The following TIRAP variants were observed in gnomAD, a reference collection of about 807,000 sequenced individuals.
TIRAP encodes the protein toll/interleukin-1 receptor domain-containing adapter protein.
In TIRAP, 20 loss-of-function variants were observed where a neutral mutation model predicts 19.8. The observed-to-expected ratio is 1.01, with a 90% CI of 0.71 to 1.47. The LOEUF (loss-of-function observed/expected upper bound fraction) is 1.47, where lower values mean the gene tolerates loss of function less well. Ranked by LOEUF, TIRAP falls within the 40% of genes most tolerant of loss-of-function variation. The pLI is 0.00. For missense variants in TIRAP, 276 were observed against 285.1 expected (o/e 0.97, Z 0.23); for synonymous variants, 125 against 121.7 (o/e 1.03, Z -0.18).
chr11:126,292,900 C>G lies in TIRAP; in HGVS notation c.491C>G (p.Ala164Gly). Residue 164 changes from alanine (A) to glycine (G), a missense_variant, in exon 4 of 5, where the codon GCC becomes GGC. Coordinates refer to ENST00000392679, the MANE Select transcript of TIRAP (RefSeq NM_001318777.2). ...DPWCKYQMLQ[A>G]LTEAPGAEGC... Reference sequence around the variant, plus strand: ...TGGTGCAAGTACCAGATGCTGCAGGCCCTGACCGAGGCTCCAGGGGCCGAG... The same window carrying G: ...TGGTGCAAGTACCAGATGCTGCAGGGCCTGACCGAGGCTCCAGGGGCCGAG... The G allele has an allele frequency of 6.2e-7, 1 of 1,613,588 alleles. No individual in the cohort carries two copies. Among genetic ancestry groups the G allele is most frequent in the Non-Finnish European group, 8.5e-7 (1 of 1,179,934 alleles).
intron 1 of TIRAP, among the ~76,000 whole-genome samples, chr11:126,286,077 A>AAAAAT (rs1191352595): frequency 2.5e-4 from 37 of 146,692 alleles, no homozygotes; most frequent in Non-Finnish European, 5.1e-4. Context: ...AAAAAAAAAA[A>AAAAAT]AGGTCGGGTG....
chr11:126,292,943 GC>G lies in TIRAP; in HGVS notation c.535del (p.Leu179CysfsTer56). On this transcript the variant is annotated frameshift_variant, in exon 4 of 5. Transcript: ENST00000392679. LOFTEE classifies it high-confidence loss of function. Reference protein sequence around the residue: ...PGAEGCTIPLLSGLSRAAYPP... With the variant: ...PGAEGCTIPLXSGLSRAAYPP... ...GGGCCGAGGGCTGCACCATCCCCCT[GC>G]TGTCGGGCCTCAGCAGAGCTGCCTA... 4 of 1,614,072 alleles carry G rather than the reference GC, an allele frequency of 2.5e-6. No individual in the cohort carries two copies. Among genetic ancestry groups the G allele is most frequent in the Non-Finnish European group, 3.4e-6 (4 of 1,179,980 alleles).
rs1367565160 is a variant in TIRAP, at chr11:126,288,561, T to C, written c.-216-1901T>C. Reference sequence around the variant, plus strand: ...GAATTTACCTGCCATCTTGCTCAATTATCCTGTCAAAGGTGCTGTTATTTT... The same window carrying C: ...GAATTTACCTGCCATCTTGCTCAATCATCCTGTCAAAGGTGCTGTTATTTT... On this transcript the variant is annotated intron_variant, in intron 1 of 4. Transcript: ENST00000392679. The surrounding 1 kb of genome is among the most constrained non-coding windows in gnomAD (Gnocchi z 5.0). 6.6e-6 allele frequency: 1 copy of C among 152,232 alleles called. No homozygotes were observed. The highest frequency in any genetic ancestry group is 1.5e-5 in the Non-Finnish European group (1 of 68,036). The allele number at this position is 152,232 out of a possible 1,614,324, so 9.4% of individuals were successfully genotyped here. A position where few individuals can be genotyped will look rare whatever the true frequency, so the allele number is the denominator to read the frequency against.
At position 126,290,944 on chromosome 11, in the gene TIRAP, C is replaced by T. The variant is rs758763451; in HGVS notation, c.50C>T (p.Pro17Leu). Reference sequence around the variant, plus strand: ...GCTCCTGGCTCTCGGCCTAAGAAGCCTCTAGGCAAGATGGCTGGTGAGTGG... The same window carrying T: ...GCTCCTGGCTCTCGGCCTAAGAAGCTTCTAGGCAAGATGGCTGGTGAGTGG... ...LPAPGSRPKK[P>L]LGKMADWFRQ... The change falls in exon 3 of 5, where the codon CCT becomes CTT. Residue 17 changes from proline (P) to leucine (L), a missense_variant. Physicochemically the swap from Pro to Leu is moderately conservative, Grantham distance 98 (BLOSUM62 -3). Transcript: ENST00000392679. The surrounding 1 kb of genome is among the most constrained non-coding windows in gnomAD (Gnocchi z 4.9). The T allele has an allele frequency of 6.2e-7, 1 of 1,606,306 alleles. No homozygotes were observed. Among genetic ancestry groups the T allele is most frequent in the East Asian group, 2.2e-5 (1 of 44,798 alleles).
At position 126,290,597 on chromosome 11, in the gene TIRAP, C is replaced by T; in HGVS notation, c.-93+12C>T. ...TGAGCTCATACCCTGTAAGTCTGAC[C>T]ACACTACACAGCTTTGGCTTTATCT... On this transcript the variant is annotated intron_variant, in intron 2 of 4. Transcript: ENST00000392679. This position sits in a 1 kb window ranked among gnomAD's most constrained non-coding sequence, Gnocchi z 4.9. The T allele has an allele frequency of 8.7e-7, 1 of 1,154,422 alleles. No individual in the cohort carries two copies. The highest frequency in any genetic ancestry group is 1.1e-6 in the Non-Finnish European group (1 of 938,884). The allele number at this position is 1,154,422 out of a possible 1,614,324, so 71.5% of individuals were successfully genotyped here. A position where few individuals can be genotyped will look rare whatever the true frequency, so the allele number is the denominator to read the frequency against.
chr11:126,293,878 C>T lies in TIRAP; in HGVS notation c.*191C>T. ...GGCTCCCTAAGAAGACCATGGAGAG[C>T]TTGGGGACTCCCCCAGGAAGGCCGT... On this transcript the variant is annotated 3_prime_UTR_variant, in exon 5 of 5. Coordinates refer to ENST00000392679, the MANE Select transcript of TIRAP (RefSeq NM_001318777.2). 1.5e-6 allele frequency: 1 copy of T among 655,244 alleles called. No homozygotes were observed. Among genetic ancestry groups the T allele is most frequent in the Non-Finnish European group, 2.7e-6 (1 of 371,182 alleles). 40.6% of individuals were successfully genotyped at this position (655,244 alleles called of 1,614,324 possible).
At chr11:126,283,199 C>G (rs1457587268) in intron 1 of TIRAP, 46 bp downstream of exon 1, 1 of 956,002 alleles carries the variant, frequency 1.0e-6, no homozygotes, top group Non-Finnish European at 1.2e-6. Flanking sequence ...CGCGGCGGGG[C>G]TCCGTGGGGT....
rs754373958 is a variant in TIRAP, at chr11:126,292,455, G to C, written c.68-22G>C. 26 of 1,612,104 alleles carry C rather than the reference G, an allele frequency of 1.6e-5. No homozygotes were observed. The East Asian group carries it at 2.7e-4, about 17-fold the overall frequency. On this transcript the variant is annotated intron_variant, in intron 3 of 4. Coordinates refer to ENST00000392679, the MANE Select transcript of TIRAP (RefSeq NM_001318777.2). ...AGGGCACCTGGTAACACACAGGCCT[G>C]AGCAGTGTTTCTCCCCCACAGACTG... is the stretch of plus-strand genomic sequence containing the variant.
In TIRAP at chr11:126,291,614, G is replaced by A; in HGVS notation, c.67+653G>A. ...GCTCTCTGCTCCTCAGCAACTCTGA[G>A]CAGTAGCCTCTTCCCCATTTAGCGA... On this transcript the variant is annotated intron_variant, in intron 3 of 4. Transcript: ENST00000392679. This position sits in a 1 kb window ranked among gnomAD's most constrained non-coding sequence, Gnocchi z 5.6. The A allele has an allele frequency of 6.8e-6, 3 of 440,524 alleles. No individual in the cohort carries two copies. Among genetic ancestry groups the A allele is most frequent in the Non-Finnish European group, 1.4e-5 (3 of 218,748 alleles). 27.3% of individuals were successfully genotyped at this position (440,524 alleles called of 1,614,324 possible). A position where few individuals can be genotyped will look rare whatever the true frequency, so the allele number is the denominator to read the frequency against.
At chr11:126,283,995 T>C (rs1359159680) in intron 1 of TIRAP, among the ~76,000 whole-genome samples, 4 of 152,118 alleles carry the variant, frequency 2.6e-5, no homozygotes, top group Admixed American at 1.3e-4. Flanking sequence ...TTTGCCTGTT[T>C]TGGATTTTCC....
Position 126,292,986 on chromosome 11 carries a change from T to G in TIRAP, c.577T>G (p.Phe193Val). Residue 193 changes from phenylalanine (F) to valine (V), a missense_variant, in exon 4 of 5, where the codon TTC becomes GTC. Phe to Val is a conservative substitution (Grantham distance 50). Coordinates refer to ENST00000392679, the MANE Select transcript of TIRAP (RefSeq NM_001318777.2). ...AGCTGCCTACCCACCTGAGCTCCGATTCATGTACTACGTCGATGGCAGGGG... is the reference window on the plus strand; with the variant it reads ...AGCTGCCTACCCACCTGAGCTCCGAGTCATGTACTACGTCGATGGCAGGGG... ...SRAAYPPELRFMYYVDGRGPD... is the reference protein window; with the variant it reads ...SRAAYPPELRVMYYVDGRGPD... 6 of 1,614,168 alleles carry G rather than the reference T, an allele frequency of 3.7e-6. No individual in the cohort carries two copies. The highest frequency in any genetic ancestry group is 5.1e-6 in the Non-Finnish European group (6 of 1,179,998).
At chr11:126,289,520 C>A in intron 1 of TIRAP, 1 of 357,998 alleles carries the variant, frequency 2.8e-6, no homozygotes, top group Non-Finnish European at 3.9e-6. Context: ...TTCAGGTGAT[C>A]CGCCGCCTTG....
Position 126,291,145 on chromosome 11 carries a change from C to A in TIRAP, c.67+184C>A. ...GAGAGTGAGGAGGGGAGGCCTGCGT[C>A]AGCTCAGCCAGATCTTTATCCTTTT... On this transcript the variant is annotated intron_variant, in intron 3 of 4. Coordinates refer to ENST00000392679, the MANE Select transcript of TIRAP (RefSeq NM_001318777.2). The surrounding 1 kb of genome is among the most constrained non-coding windows in gnomAD (Gnocchi z 5.6). The A allele has an allele frequency of 1.4e-6, 1 of 723,148 alleles. No homozygotes were observed. Among genetic ancestry groups the A allele is most frequent in the Non-Finnish European group, 2.2e-6 (1 of 450,698 alleles). 44.8% of individuals were successfully genotyped at this position (723,148 alleles called of 1,614,324 possible).
chr11:126,284,683 G>C (rs930288236), intron 1 of TIRAP, among the ~76,000 whole-genome samples: 1 of 151,818 alleles, frequency 6.6e-6, no homozygotes, highest in East Asian at 1.9e-4. Flanking sequence ...GTGAAACCCC[G>C]TCTCTACTAA....
intron 3 of TIRAP, among the ~76,000 whole-genome samples, chr11:126,292,179 C>T (rs1951397939): frequency 6.6e-6 from 1 of 151,548 alleles, no homozygotes; most frequent in Admixed American, 6.6e-5. Flanking sequence ...TGGTGCATGC[C>T]TGTAATCCCA....
rs984738868 is a variant in TIRAP, at chr11:126,283,115, A to T, written c.-255A>T. 1 of 985,022 alleles carries T rather than the reference A, an allele frequency of 1.0e-6. No individual in the cohort carries two copies. Among genetic ancestry groups the T allele is most frequent in the Non-Finnish European group, 1.2e-6 (1 of 829,860 alleles). 61.0% of individuals were successfully genotyped at this position (985,022 alleles called of 1,614,324 possible). A position where few individuals can be genotyped will look rare whatever the true frequency, so the allele number is the denominator to read the frequency against. On this transcript the variant is annotated 5_prime_UTR_variant, in exon 1 of 5. Coordinates refer to ENST00000392679, the MANE Select transcript of TIRAP (RefSeq NM_001318777.2). ...CTGCTCTTCCCCGCGGAGCCCGCGC[A>T]GTCCGCGCAGCCCTCATCGCAACTG...
chr11:126,283,901 A>G (rs901405907), intron 1 of TIRAP, among the ~76,000 whole-genome samples: 1 of 152,126 alleles, frequency 6.6e-6, no homozygotes, highest in Non-Finnish European at 1.5e-5. Flanking sequence ...CAGCTCAACC[A>G]TTTTCCACAA....
At position 126,290,939 on chromosome 11, in the gene TIRAP, G is replaced by T; in HGVS notation, c.45G>T (p.Lys15Asn). 1 of 1,606,422 alleles carries T rather than the reference G, an allele frequency of 6.2e-7. No individual in the cohort carries two copies. Among genetic ancestry groups the T allele is most frequent in the Non-Finnish European group, 8.5e-7 (1 of 1,176,012 alleles). ...TCCCAGCTCCTGGCTCTCGGCCTAA[G>T]AAGCCTCTAGGCAAGATGGCTGGTG... is the stretch of plus-strand genomic sequence containing the variant. ...TSLPAPGSRP[K>N]KPLGKMADWF... Residue 15 changes from lysine (K) to asparagine (N), a missense_variant, in exon 3 of 5, where the codon AAG (lysine) becomes AAT (asparagine). Coordinates refer to ENST00000392679, the MANE Select transcript of TIRAP (RefSeq NM_001318777.2). The surrounding 1 kb of genome is among the most constrained non-coding windows in gnomAD (Gnocchi z 4.9).
rs1239127246 is a variant in TIRAP at position 126,292,597 on chromosome 11, C to G, written c.188C>G (p.Ser63Ter). The part of the protein sequence containing the change: ...QDSPLPPSLS[S>*]VTSPSLPPTH... ...AGCCCACTACCCCCAAGCCTCAGCT[C>G]AGTCACGTCTCCCAGCCTGCCACCC... Residue 63 changes from serine to a stop codon, truncating the protein, a stop_gained, in exon 4 of 5, where the codon TCA becomes TGA. Transcript: ENST00000392679. LOFTEE classifies it high-confidence loss of function. The G allele has an allele frequency of 6.2e-7, 1 of 1,614,102 alleles. No homozygotes were observed. Among genetic ancestry groups the G allele is most frequent in the African/African-American group, 1.3e-5 (1 of 74,934 alleles).
Sources: gnomAD v4.1 joint callset for allele counts (sites outside exome capture counted in the v4.1 genomes callset) on GRCh38, gnomAD v4.1.1 for gene constraint, Gnocchi (gnomAD v3.1) non-coding constraint, MANE v1.5 for transcripts, NCBI Gene and HGNC (gene_info 2026-07-23, HGNC 2026-07-21) for gene names.